Variants in MCF2L observed in about 807,000 individuals in gnomAD.
The protein encoded by MCF2L is guanine nucleotide exchange factor DBS.
MCF2L carries 97 observed loss-of-function variants against 153.4 expected under a neutral mutation model. The observed-to-expected ratio is 0.63, with a 90% CI of 0.54 to 0.75. The LOEUF (loss-of-function observed/expected upper bound fraction) is 0.75. Among genes scored for constraint, MCF2L ranks in the 30% least tolerant of loss-of-function variants. The pLI is 0.00. For synonymous variants in MCF2L, 659 were observed against 632.2 expected, an observed-to-expected ratio of 1.04 and a Z score of -0.64; for missense variants, 1,347 against 1,495.2, an observed-to-expected ratio of 0.90 and a Z score of 1.64.
At chr13:112,944,419 G>A in intron 2 of MCF2L, among the ~76,000 whole-genome samples, 1 of 152,092 alleles carries the variant, frequency 6.6e-6, no homozygotes, top group Non-Finnish European at 1.5e-5. Flanking sequence ...CATCTGGCCT[G>A]GGTGAACACC....
intron 2 of MCF2L, among the ~76,000 whole-genome samples, chr13:113,020,073 A>G (rs1173072615): frequency 6.6e-6 from 1 of 152,270 alleles, no homozygotes; most frequent in Admixed American, 6.5e-5. Flanking sequence ...CGTGTGGCTA[A>G]GTAGTGTCTA....
At chr13:113,042,883 G>A (rs1207555009) in intron 3 of MCF2L, 3 of 152,282 alleles carry the variant, frequency 2.0e-5, no homozygotes, top group African/African-American at 4.8e-5. Context: ...GGAGTAGCGG[G>A]GGCATTTGTG....
chr13:113,010,588 A>C (rs1179649498), intron 1 of MCF2L, among the ~76,000 whole-genome samples: 1 of 152,092 alleles, frequency 6.6e-6, no homozygotes, highest in African/African-American at 2.4e-5. Flanking sequence ...GGTGCTGGGG[A>C]TGGGCAGGGG....
chr13:113,028,377 C>T lies in MCF2L; in HGVS notation c.278+3619C>T, dbSNP rs571938883. Among the ~76,000 whole-genome samples, 1 of 152,320 alleles carries T rather than the reference C, an allele frequency of 6.6e-6. No homozygotes were observed. Among genetic ancestry groups the T allele is most frequent in the South Asian group, 2.1e-4 (1 of 4,828 alleles). On this transcript the variant is annotated intron_variant, in intron 3 of 29. Transcript: ENST00000535094. The surrounding 1 kb of genome is among the most constrained non-coding windows in gnomAD (Gnocchi z 5.4). ...CTCTGTTTATCCGATGTTCTGGAAC[C>T]TTCCATGGCCTCCTTGCTGCTGCCC...
intron 2 of MCF2L, among the ~76,000 whole-genome samples, chr13:112,944,687 T>C (rs546981411): frequency 4.0e-5 from 6 of 151,640 alleles, no homozygotes; most frequent in Admixed American, 6.6e-5. Flanking sequence ...GGGGTTTCAC[T>C]GTGTTAGCCA....
intron 2 of MCF2L, among the ~76,000 whole-genome samples, chr13:112,914,083 T>C (rs916717377): frequency 6.6e-6 from 1 of 152,232 alleles, no homozygotes; most frequent in African/African-American, 2.4e-5. Flanking sequence ...TTCCCTGTTT[T>C]CCTTCTTTCT....
intron 2 of MCF2L, among the ~76,000 whole-genome samples, chr13:112,963,658 C>A (rs946836279): frequency 1.3e-5 from 2 of 152,212 alleles, no homozygotes; most frequent in Non-Finnish European, 2.9e-5. Context: ...TGAGTTCTAA[C>A]CCCCAGCGCC....
At chr13:112,899,812 C>T (rs1286325147) in intron 1 of MCF2L, among the ~76,000 whole-genome samples, 1 of 152,214 alleles carries the variant, frequency 6.6e-6, no homozygotes, top group African/African-American at 2.4e-5. Context: ...GTGTGACGGG[C>T]CGCGCGTGCC....
intron 2 of MCF2L, among the ~76,000 whole-genome samples, chr13:112,938,261 T>G (rs71446670): frequency 0.024 from 2,417 of 100,022 alleles, 15 homozygotes; most frequent in African/African-American, 0.039. Flanking sequence ...TGAGCGCTGA[T>G]GGGTTGGTTC....
chr13:112,974,118 C>T lies in MCF2L; in HGVS notation c.79+4660C>T, dbSNP rs34921224. ...CCTTATCTGGCATTTCATCACCTGC[C>T]GCTCCACATCACCTGCTGGCTTCCT... On this transcript the variant is annotated intron_variant, in intron 1 of 29. Transcript: ENST00000535094. 2.3e-3 allele frequency among the ~76,000 whole-genome samples: 354 copies of T among 152,300 alleles called. 2 individuals carry two copies. Among genetic ancestry groups the T allele is most frequent in the Non-Finnish European group, 3.8e-3 (258 of 68,024 alleles).
At chr13:112,973,646 G>A (rs1046220161) in intron 1 of MCF2L, among the ~76,000 whole-genome samples, 7 of 152,208 alleles carry the variant, frequency 4.6e-5, no homozygotes, top group African/African-American at 9.6e-5. Flanking sequence ...AAGACGGCGC[G>A]AGCACGGCTT....
chr13:113,081,357 C>A, intron 16 of MCF2L, 78 bp downstream of exon 16: 1 of 1,364,334 alleles, frequency 7.3e-7, no homozygotes, highest in Non-Finnish European at 1.0e-6. Context: ...CTGACAACTG[C>A]TGCTCGGAGC....
At chr13:112,987,615 C>A (rs2082702494) in intron 1 of MCF2L, among the ~76,000 whole-genome samples, 1 of 152,212 alleles carries the variant, frequency 6.6e-6, no homozygotes, top group Non-Finnish European at 1.5e-5. Flanking sequence ...GTTTTCACTT[C>A]CATGGTAGTG....
At chr13:113,004,803 G>A (rs1018259825) in intron 1 of MCF2L, among the ~76,000 whole-genome samples, 1 of 152,254 alleles carries the variant, frequency 6.6e-6, no homozygotes, top group African/African-American at 2.4e-5. Flanking sequence ...CGTGTGTTCA[G>A]ATGCTGCCTG....
At chr13:112,968,146 G>GC (rs889934693), upstream of MCF2L, among the ~76,000 whole-genome samples, 1 of 148,178 alleles carries the variant, frequency 6.7e-6, no homozygotes, top group Non-Finnish European at 1.5e-5. Flanking sequence ...GTGAGGTGGG[G>GC]GGGGGGGTCT....
intron 5 of MCF2L, among the ~76,000 whole-genome samples, chr13:113,063,376 C>T (rs887710329): frequency 2.6e-5 from 4 of 151,408 alleles, no homozygotes; most frequent in Admixed American, 6.6e-5. Context: ...AGCGTTCAGG[C>T]GTCCCTGTCC....
At chr13:113,041,896 G>T (rs528967043) in intron 3 of MCF2L, among the ~76,000 whole-genome samples, 5 of 152,176 alleles carry the variant, frequency 3.3e-5, no homozygotes, top group Non-Finnish European at 7.4e-5. Flanking sequence ...GGCAGCACAC[G>T]TGGTGTCTGA....
In MCF2L at chr13:112,971,990, C is replaced by A. The variant is rs564486814; in HGVS notation, c.79+2532C>A. On this transcript the variant is annotated intron_variant, in intron 1 of 29. Transcript: ENST00000535094. The stretch of plus-strand genomic sequence containing the variant: ...GCGTCACCTTGGGGGCTTGTTAAAG[C>A]ACAGGCTGCTGGGCCCACCCTCAGA... Among the ~76,000 whole-genome samples the A allele has an allele frequency of 7.2e-5, 11 of 152,370 alleles. No homozygotes were observed. In the East Asian group the frequency reaches 1.9e-3, roughly 27 times the overall value.
At chr13:112,949,742 G>A (rs1316472938) in intron 2 of MCF2L, among the ~76,000 whole-genome samples, 2 of 151,374 alleles carry the variant, frequency 1.3e-5, no homozygotes, top group South Asian at 2.1e-4. Context: ...GGGGGGGACC[G>A]TCTTACTTAT....
Sources: gnomAD v4.1 joint callset for allele counts (sites outside exome capture counted in the v4.1 genomes callset) on GRCh38, gnomAD v4.1.1 for gene constraint, Gnocchi (gnomAD v3.1) non-coding constraint, MANE v1.5 for transcripts, NCBI Gene and HGNC (gene_info 2026-07-23, HGNC 2026-07-21) for gene names.